The following ACP6 variants were observed in gnomAD, a reference collection of about 807,000 sequenced individuals.
ACP6 encodes lysophosphatidic acid phosphatase type 6.
In ACP6, 48 loss-of-function variants were observed where a neutral mutation model predicts 48.1. That is an observed-to-expected ratio of 1.00 (90% CI 0.79 to 1.27). ACP6 has a LOEUF of 1.27. Among genes scored for constraint, ACP6 ranks in the 50% most tolerant of loss-of-function variants. ACP6 has a pLI of 0.00. For synonymous variants in ACP6, 172 were observed against 204.2 expected (o/e 0.84, Z 1.34); for missense variants, 485 against 529.1 (o/e 0.92, Z 0.82).
chr1:147,641,641 G>T (rs187913953), downstream of ACP6, among the ~76,000 whole-genome samples: 1 of 152,328 alleles, frequency 6.6e-6, no homozygotes, highest in Admixed American at 6.5e-5. Context: ...TCAAGGCAGG[G>T]ACAGGTTAGG....
rs1229002807 is a variant in ACP6 at position 147,645,035 on chromosome 1, T to C, written c.*2388A>G. The C allele has an allele frequency of 2.0e-5, 3 of 148,902 alleles. No homozygotes were observed. Among genetic ancestry groups the C allele is most frequent in the Non-Finnish European group, 4.4e-5 (3 of 67,554 alleles). 9.2% of individuals were successfully genotyped at this position (148,902 alleles called of 1,614,324 possible). A position where few individuals can be genotyped will look rare whatever the true frequency, so the allele number is the denominator to read the frequency against. On this transcript the variant is annotated 3_prime_UTR_variant, in exon 10 of 10. Transcript: ENST00000583509. ...TCTTGTTGCCCAGGCTGGAGTGCAA[T>C]GGCACGATCTTGGCTCAGCACAACC...
In ACP6 at chr1:147,652,262, C is replaced by A. The variant is rs1659962367; in HGVS notation, c.881+187G>T. 1.3e-5 allele frequency: 7 copies of A among 545,850 alleles called. No individual in the cohort carries two copies. The South Asian group carries it at 2.0e-4, about 15-fold the overall frequency. The allele number at this position is 545,850 out of a possible 1,614,324, so 33.8% of individuals were successfully genotyped here. A position where few individuals can be genotyped will look rare whatever the true frequency, so the allele number is the denominator to read the frequency against. On this transcript the variant is annotated intron_variant, in intron 7 of 9. Transcript: ENST00000583509. The stretch of plus-strand genomic sequence containing the variant: ...CATAACAGGGAACAGAAGCACTAGG[C>A]CACCAGTCCCAGCTGTAGAAGTGCG...
intron 7 of ACP6, chr1:147,651,162 T>C (rs1235814997): frequency 6.6e-6 from 1 of 152,186 alleles, no homozygotes; most frequent in African/African-American, 2.4e-5. Flanking sequence ...CAACACTGTA[T>C]GCAACACATA....
At chr1:147,653,653 G>A (rs1330356590) in intron 6 of ACP6, among the ~76,000 whole-genome samples, 2 of 152,106 alleles carry the variant, frequency 1.3e-5, no homozygotes, top group Non-Finnish European at 2.9e-5. Flanking sequence ...GAGTGGGGAG[G>A]ATCCTATATA....
rs782213484 is a variant in ACP6 at position 147,659,035 on chromosome 1, G to A, written c.484C>T (p.Arg162Cys). 5.0e-6 allele frequency: 8 copies of A among 1,606,698 alleles called. No homozygotes were observed. The South Asian group carries it at 5.6e-5, about 11-fold the overall frequency. Residue 162 changes from arginine (R) to cysteine (C), a missense_variant, in exon 4 of 10, where the codon CGT becomes TGT. By Grantham distance (180) the Arg-to-Cys change is radical. Transcript: ENST00000583509. The part of the protein sequence containing the change: ...PTFNPQEVFI[R>C]STNIFRNLES... ...AGATTCCGAAAAATGTTAGTGGAAC[G>A]AATACTGAAAAAAATGAGAAAATAG... is the stretch of plus-strand genomic sequence containing the variant.
chr1:147,667,745 C>T (rs1660870507), intron 1 of ACP6, among the ~76,000 whole-genome samples: 1 of 152,090 alleles, frequency 6.6e-6, no homozygotes, highest in South Asian at 2.1e-4. Context: ...AATCCCAGCA[C>T]TTTGGGAGAC....
At chr1:147,634,456 T>A (rs782177009) in intron 5 of ACP6, among the ~76,000 whole-genome samples, 6 of 151,280 alleles carry the variant, frequency 4.0e-5, no homozygotes, top group Non-Finnish European at 7.4e-5. Flanking sequence ...TTAATTTTGA[T>A]AAAATCCAAC....
At chr1:147,653,551 T>C (rs1351482739) in intron 6 of ACP6, among the ~76,000 whole-genome samples, 2 of 152,214 alleles carry the variant, frequency 1.3e-5, no homozygotes, top group Admixed American at 1.3e-4. Flanking sequence ...ATACATGATA[T>C]GAACTCTTGC....
chr1:147,667,499 A>T (rs1660858550), intron 1 of ACP6, among the ~76,000 whole-genome samples: 1 of 151,420 alleles, frequency 6.6e-6, no homozygotes, highest in Non-Finnish European at 1.5e-5. Context: ...TACAGGCATG[A>T]GCCACCACAC....
downstream of ACP6, among the ~76,000 whole-genome samples, chr1:147,641,272 G>A (rs1440259403): frequency 2.6e-5 from 4 of 152,156 alleles, no homozygotes; most frequent in East Asian, 7.7e-4. Flanking sequence ...AGGGTGGGAC[G>A]GGAACTCTCT....
At chr1:147,652,825 G>A (rs1660012291) in intron 6 of ACP6, among the ~76,000 whole-genome samples, 1 of 36,920 alleles carries the variant, frequency 2.7e-5, no homozygotes, top group Non-Finnish European at 4.7e-5. Flanking sequence ...AAGCATTTTT[G>A]TTGTTTTTTT....
chr1:147,669,739 A>T, intron 1 of ACP6, 91 bp downstream of exon 1: 1 of 1,332,466 alleles, frequency 7.5e-7, no homozygotes, highest in Non-Finnish European at 1.0e-6. Context: ...GCTCCGCGCG[A>T]GTAAAGCTCT....
At chr1:147,649,979 AG>A in intron 8 of ACP6, 163 bp downstream of exon 8, 1 of 571,824 alleles carries the variant, frequency 1.7e-6, no homozygotes, top group African/African-American at 2.0e-5. Context: ...GCAGGAAGAA[AG>A]GTTAAAAGAT....
At chr1:147,632,371 C>T (rs1332173333) in intron 5 of ACP6, among the ~76,000 whole-genome samples, 1 of 152,110 alleles carries the variant, frequency 6.6e-6, no homozygotes, top group African/African-American at 2.4e-5. Flanking sequence ...TATCAAAGAT[C>T]AGTAAATAGC....
At chr1:147,633,880 A>C (rs1659234045) in intron 5 of ACP6, among the ~76,000 whole-genome samples, 1 of 152,210 alleles carries the variant, frequency 6.6e-6, no homozygotes, top group South Asian at 2.1e-4. Context: ...ACAGCAAAAA[A>C]TTGACCATTT....
At chr1:147,637,965 A>C (rs1659342336), downstream of ACP6, among the ~76,000 whole-genome samples, 1 of 152,218 alleles carries the variant, frequency 6.6e-6, no homozygotes, top group African/African-American at 2.4e-5. Context: ...AACGTGTCCA[A>C]CAGGGCAAAG....
chr1:147,650,267 C>G, intron 7 of ACP6, 29 bp from the exon 8 acceptor site: 1 of 1,514,112 alleles, frequency 6.6e-7, no homozygotes, highest in Non-Finnish European at 9.0e-7. Flanking sequence ...ATTTAAGCAC[C>G]TAGAGGGCAC....
At chr1:147,667,642 T>C (rs1660865568) in intron 1 of ACP6, among the ~76,000 whole-genome samples, 1 of 152,106 alleles carries the variant, frequency 6.6e-6, no homozygotes, top group African/African-American at 2.4e-5. Context: ...AGACAAAAAA[T>C]TTTTGCCAGG....
intron 1 of ACP6, among the ~76,000 whole-genome samples, chr1:147,666,500 CA>C (rs1553213654): frequency 6.6e-6 from 1 of 151,200 alleles, no homozygotes; most frequent in East Asian, 1.9e-4. Context: ...ATAAAGCAAT[CA>C]TATTAAACCT....
Sources: gnomAD v4.1 joint callset for allele counts (sites outside exome capture counted in the v4.1 genomes callset) on GRCh38, gnomAD v4.1.1 for gene constraint, MANE v1.5 for transcripts, NCBI Gene and HGNC (gene_info 2026-07-23, HGNC 2026-07-21) for gene names.